Variants in TBX20 observed in about 807,000 individuals in gnomAD.
The protein encoded by TBX20 is T-box transcription factor TBX20.
TBX20 carries 8 observed loss-of-function variants against 42.9 expected under a neutral mutation model. The ratio of observed to expected loss-of-function variants is 0.19; its 90% CI spans 0.11 to 0.34. TBX20 has a LOEUF of 0.34. Among genes scored for constraint, TBX20 ranks in the 10% least tolerant of loss-of-function variants. The pLI is 1.00. For missense variants in TBX20, 411 were observed against 566.0 expected (o/e 0.73, Z 2.78); for synonymous variants, 198 against 222.8 (o/e 0.89, Z 0.99).
At chr7:35,208,695 T>C (rs1182030301) in intron 6 of TBX20, among the ~76,000 whole-genome samples, 1 of 124,658 alleles carries the variant, frequency 8.0e-6, no homozygotes, top group African/African-American at 3.2e-5. Context: ...TGAGCCAAGA[T>C]TGAGCCATTG....
chr7:35,215,799 A>C (rs544903143), intron 6 of TBX20, among the ~76,000 whole-genome samples: 33 of 152,250 alleles, frequency 2.2e-4, no homozygotes, highest in African/African-American at 7.5e-4. Flanking sequence ...AAATGGGCAA[A>C]ACAGAGGATC....
At chr7:35,202,838 T>C in intron 7 of TBX20, 68 bp from the exon 8 acceptor site, 2 of 1,525,196 alleles carry the variant, frequency 1.3e-6, no homozygotes. Flanking sequence ...TTAAATTATC[T>C]GTAAAGATCA....
intron 4 of TBX20, 151 bp downstream of exon 4, chr7:35,244,798 G>C (rs1327494755): frequency 1.5e-6 from 1 of 651,394 alleles, no homozygotes; most frequent in African/African-American, 1.8e-5. Flanking sequence ...AAGGTCCCCT[G>C]AAGAACACAT....
intron 6 of TBX20, among the ~76,000 whole-genome samples, chr7:35,227,167 G>A (rs1789787295): frequency 1.3e-5 from 2 of 151,898 alleles, no homozygotes; most frequent in Non-Finnish European, 2.9e-5. Flanking sequence ...GTTGTACAAT[G>A]TGTATGTTTT....
intron 6 of TBX20, among the ~76,000 whole-genome samples, chr7:35,213,877 C>CAAAAAAAAAAAAAAAAAAAAAAAAA (rs59548164): frequency 1.7e-5 from 1 of 59,772 alleles, no homozygotes; most frequent in African/African-American, 6.8e-5. Flanking sequence ...GCAGAGATAG[C>CAAAAAAAAAAAAAAAAAAAAAAAAA]AAAAAAAAAA....
intron 6 of TBX20, among the ~76,000 whole-genome samples, chr7:35,230,543 TG>T (rs1195555382): frequency 6.6e-6 from 1 of 152,140 alleles, no homozygotes; most frequent in African/African-American, 2.4e-5. Context: ...TTCTGCCATT[TG>T]GGAAGGCTTA....
chr7:35,229,486 G>C (rs1486881007), intron 6 of TBX20, among the ~76,000 whole-genome samples: 3 of 152,162 alleles, frequency 2.0e-5, no homozygotes, highest in Non-Finnish European at 4.4e-5. Context: ...AGGTCATCTT[G>C]CAAACTTTCA....
chr7:35,202,607 T>C lies in TBX20; in HGVS notation c.1167A>G (p.Pro389=), dbSNP rs771377025. Residue 389 remains proline (P), a synonymous_variant, in exon 8 of 8, where the codon CCA becomes CCG. Coordinates refer to ENST00000408931, the MANE Select transcript of TBX20 (RefSeq NM_001077653.2). Reference sequence around the variant, plus strand: ...TCAGAGGCATTCCCAGTCGGCTATATGGTGGCAGAGAACCCTGGATGGGGT... The same window carrying C: ...TCAGAGGCATTCCCAGTCGGCTATACGGTGGCAGAGAACCCTGGATGGGGT... ...IPHPIQGSLP[P]YSRLGMPLTP... 1.2e-6 allele frequency: 2 copies of C among 1,613,974 alleles called. No individual in the cohort carries two copies. The highest frequency in any genetic ancestry group is 2.2e-5 in the South Asian group (2 of 91,072).
In TBX20 at chr7:35,234,895, C is replaced by T. The variant is rs538855648; in HGVS notation, c.814-3315G>A. Reference sequence around the variant, plus strand: ...TTTATGGGGTATTAATAATTAGCAGCACAGAGATTGTGGATTAAACTTCTT... The same window carrying T: ...TTTATGGGGTATTAATAATTAGCAGTACAGAGATTGTGGATTAAACTTCTT... On this transcript the variant is annotated intron_variant, in intron 5 of 7. Transcript: ENST00000408931. Among the ~76,000 whole-genome samples the T allele has an allele frequency of 1.6e-3, 240 of 152,166 alleles. 2 individuals are homozygous for T. Among genetic ancestry groups the T allele is most frequent in the African/African-American group, 5.7e-3 (236 of 41,510 alleles).
At chr7:35,230,957 G>T (rs1789855931) in intron 6 of TBX20, among the ~76,000 whole-genome samples, 1 of 152,110 alleles carries the variant, frequency 6.6e-6, no homozygotes, top group Non-Finnish European at 1.5e-5. Flanking sequence ...TAAAAAGTAG[G>T]GTAAGTTACA....
chr7:35,239,774 TG>T (rs1370423451), intron 5 of TBX20, among the ~76,000 whole-genome samples: 1 of 151,942 alleles, frequency 6.6e-6, no homozygotes, highest in African/African-American at 2.4e-5. Context: ...TTTTTTGAGG[TG>T]GGGTCTCGCT....
In TBX20 at chr7:35,231,529, A is replaced by C. The variant is rs1242982904; in HGVS notation, c.865T>G (p.Ser289Ala). 3.1e-6 allele frequency: 5 copies of C among 1,613,460 alleles called. No individual in the cohort carries two copies. Among genetic ancestry groups the C allele is most frequent in the Non-Finnish European group, 4.2e-6 (5 of 1,179,556 alleles). ...CTCTCAATGTCAGTGAGCCTGGAGG[A>C]ATCCCGGAATCCTTTGGCAAAAGGA... ...SNPFAKGFRD[S>A]SRLTDIERES... The change falls in exon 6 of 8, where the codon TCC becomes GCC. Residue 289 changes from serine (S) to alanine (A), a missense_variant. By Grantham distance (99) the Ser-to-Ala change is moderately conservative. Coordinates refer to ENST00000408931, the MANE Select transcript of TBX20 (RefSeq NM_001077653.2).
chr7:35,228,129 A>C (rs1197860147), intron 6 of TBX20, among the ~76,000 whole-genome samples: 1 of 152,016 alleles, frequency 6.6e-6, no homozygotes, highest in East Asian at 1.9e-4. Flanking sequence ...CAGCATTTTA[A>C]TTTGTGGATA....
Position 35,243,640 on chromosome 7 carries a change from A to T in TBX20, c.654+1309T>A, listed in dbSNP as rs574438249. 2.0e-5 allele frequency among the ~76,000 whole-genome samples: 3 copies of T among 152,296 alleles called. No homozygotes were observed. In the South Asian group the frequency reaches 6.2e-4, roughly 32 times the overall value. On this transcript the variant is annotated intron_variant, in intron 4 of 7. Coordinates refer to ENST00000408931, the MANE Select transcript of TBX20 (RefSeq NM_001077653.2). ...AGAATGATCACTGACCTACAAAAAA[A>T]TCACTCCATACTTCATAAATTCTAA...
intron 6 of TBX20, among the ~76,000 whole-genome samples, chr7:35,212,872 T>A (rs1789520983): frequency 6.6e-6 from 1 of 152,202 alleles, no homozygotes; most frequent in Non-Finnish European, 1.5e-5. Context: ...TCAAAAGGGA[T>A]CCTCTATAAA....
intron 6 of TBX20, among the ~76,000 whole-genome samples, chr7:35,212,262 G>A (rs1317324883): frequency 1.3e-5 from 2 of 152,046 alleles, no homozygotes; most frequent in African/African-American, 4.8e-5. Flanking sequence ...CTTTAGAATT[G>A]TGACTTTGAT....
chr7:35,245,444 C>T (rs1307048818), intron 3 of TBX20, among the ~76,000 whole-genome samples: 1 of 151,554 alleles, frequency 6.6e-6, no homozygotes, highest in Admixed American at 6.6e-5. Flanking sequence ...TTACACTAAT[C>T]GCATGAGTTC....
chr7:35,224,923 A>G (rs1789744879), intron 6 of TBX20, among the ~76,000 whole-genome samples: 1 of 151,850 alleles, frequency 6.6e-6, no homozygotes. Flanking sequence ...TGAATCAAGA[A>G]CAAGAGAAAA....
At position 35,253,605 on chromosome 7, in the gene TBX20, A is replaced by G; in HGVS notation, c.16T>C (p.Ser6Pro). 1.9e-6 allele frequency: 3 copies of G among 1,611,568 alleles called. No homozygotes were observed. The highest frequency in any genetic ancestry group is 2.5e-6 in the Non-Finnish European group (3 of 1,179,910). MEFTA[S>P]PKPQLSSRAN... ...CGAGAGGAGAGTTGGGGCTTGGGGG[A>G]CGCCGTGAACTCCATGGTCCCCAGC... The change falls in exon 1 of 8, where the codon TCC (serine) becomes CCC (proline). Residue 6 changes from serine to proline, a missense_variant. Coordinates refer to ENST00000408931, the MANE Select transcript of TBX20 (RefSeq NM_001077653.2).
Sources: gnomAD v4.1 joint callset for allele counts (sites outside exome capture counted in the v4.1 genomes callset) on GRCh38, gnomAD v4.1.1 for gene constraint, MANE v1.5 for transcripts, NCBI Gene and HGNC (gene_info 2026-07-23, HGNC 2026-07-21) for gene names.